The following RPS6KC1 variants were observed in gnomAD, a reference collection of about 807,000 sequenced individuals.
The protein encoded by RPS6KC1 is inactive ribosomal protein S6 kinase delta-1.
RPS6KC1 carries 54 observed loss-of-function variants against 103.8 expected under a neutral mutation model. That is an observed-to-expected ratio of 0.52 (90% confidence interval 0.42 to 0.65). RPS6KC1 has a LOEUF of 0.65. Among genes scored for constraint, RPS6KC1 ranks in the 30% least tolerant of loss-of-function variants. The pLI is 0.00. For synonymous variants in RPS6KC1, 439 were observed against 438.7 expected, an observed-to-expected ratio of 1.00 and a Z score of -0.01; for missense variants, 1,151 against 1,253.8, an observed-to-expected ratio of 0.92 and a Z score of 1.24.
chr1:213,624,541 T>C, the RPS6KC1 span, among the ~76,000 whole-genome samples: 1 of 152,154 alleles, frequency 6.6e-6, no homozygotes, highest in Non-Finnish European at 1.5e-5. Flanking sequence ...GGAGAGCTTG[T>C]TGGAGGAGGT....
At chr1:213,719,408 T>G in the RPS6KC1 span, among the ~76,000 whole-genome samples, 1 of 152,186 alleles carries the variant, frequency 6.6e-6, no homozygotes, top group South Asian at 2.1e-4. Flanking sequence ...ACAGTGACTT[T>G]AAACTGATTT....
the RPS6KC1 span, among the ~76,000 whole-genome samples, chr1:213,552,415 A>G: frequency 6.6e-6 from 1 of 152,176 alleles, no homozygotes; most frequent in Non-Finnish European, 1.5e-5. Flanking sequence ...GGCCATTGTA[A>G]TAGGTGTACA....
At chr1:213,327,377 A>G in the RPS6KC1 span, among the ~76,000 whole-genome samples, 1 of 152,208 alleles carries the variant, frequency 6.6e-6, no homozygotes, top group African/African-American at 2.4e-5. Flanking sequence ...AAGGAAGAAG[A>G]AACAAAACCA....
At chr1:213,760,957 T>C in the RPS6KC1 span, among the ~76,000 whole-genome samples, 338 of 10,388 alleles carry the variant, frequency 0.033, 3 homozygotes, top group African/African-American at 0.078. Flanking sequence ...ATGGGCTAAT[T>C]TTTTTTTTAA....
At chr1:213,472,449 A>G in the RPS6KC1 span, among the ~76,000 whole-genome samples, 1 of 152,188 alleles carries the variant, frequency 6.6e-6, no homozygotes, top group Non-Finnish European at 1.5e-5. Flanking sequence ...CACCTGGAAG[A>G]GTTTCATTGT....
At chr1:213,229,364 C>G (rs1267750965) in intron 8 of RPS6KC1, among the ~76,000 whole-genome samples, 2 of 151,776 alleles carry the variant, frequency 1.3e-5, no homozygotes, top group African/African-American at 4.8e-5. Context: ...CTTTCCTTAC[C>G]CAGTGGTGGG....
chr1:213,426,767 G>T, the RPS6KC1 span, among the ~76,000 whole-genome samples: 1 of 152,168 alleles, frequency 6.6e-6, no homozygotes, highest in African/African-American at 2.4e-5. Flanking sequence ...TTCTTTCGTA[G>T]TCAACATTTA....
chr1:213,438,858 A>T, the RPS6KC1 span, among the ~76,000 whole-genome samples: 1 of 132,910 alleles, frequency 7.5e-6, no homozygotes, highest in Non-Finnish European at 1.5e-5. Context: ...CAGTGGTGTG[A>T]TCTTGGCTCA....
At chr1:213,674,946 G>A in the RPS6KC1 span, among the ~76,000 whole-genome samples, 1 of 152,136 alleles carries the variant, frequency 6.6e-6, no homozygotes, top group African/African-American at 2.4e-5. Flanking sequence ...CTTTTGAGAA[G>A]TGTCTGTTCG....
intron 8 of RPS6KC1, chr1:213,205,536 T>TTTTATATATATA (rs1553378412): frequency 2.4e-5 from 2 of 82,292 alleles, no homozygotes; most frequent in Admixed American, 1.1e-4. Flanking sequence ...ACAAACTCAT[T>TTTTATATATATA]TATATATATA....
At position 213,176,405 on chromosome 1, in the gene RPS6KC1, A is replaced by G. The variant is rs755350002; in HGVS notation, c.957A>G (p.Pro319=). The stretch of plus-strand genomic sequence containing the variant: ...TCTTTGATATCTTCCATTAGCCTCC[A>G]GGATCACTAAGTTCAAGGCCCCTTT... ...KPQLDDVSQP[P]GSLSSRPLWN... is the part of the protein sequence containing the mutation. Residue 319 remains proline, a synonymous_variant, in exon 8 of 15, where the codon CCA becomes CCG. Coordinates refer to ENST00000366960, the MANE Select transcript of RPS6KC1 (RefSeq NM_012424.6). The G allele has an allele frequency of 6.3e-6, 10 of 1,598,166 alleles. No individual in the cohort carries two copies. The highest frequency in any genetic ancestry group is 6.8e-6 in the Non-Finnish European group (8 of 1,168,182).
the RPS6KC1 span, among the ~76,000 whole-genome samples, chr1:213,724,750 T>C: frequency 6.6e-6 from 1 of 152,052 alleles, no homozygotes; most frequent in African/African-American, 2.4e-5. Flanking sequence ...AAAATAATAA[T>C]AAACAAAAGG....
chr1:213,535,440 C>T, the RPS6KC1 span, among the ~76,000 whole-genome samples: 4 of 152,240 alleles, frequency 2.6e-5, no homozygotes, highest in Non-Finnish European at 4.4e-5. Context: ...CCCACCTCAT[C>T]TAAGTCTAGA....
chr1:213,336,235 A>C, the RPS6KC1 span, among the ~76,000 whole-genome samples: 4 of 152,222 alleles, frequency 2.6e-5, no homozygotes, highest in Non-Finnish European at 5.9e-5. Flanking sequence ...ATCAAGTTCA[A>C]ACTTCTAATT....
the RPS6KC1 span, among the ~76,000 whole-genome samples, chr1:213,673,737 G>A: frequency 6.6e-6 from 1 of 152,150 alleles, no homozygotes; most frequent in African/African-American, 2.4e-5. Flanking sequence ...AGCTCCATTA[G>A]AATAGCCCTC....
chr1:213,422,184 C>A, the RPS6KC1 span, among the ~76,000 whole-genome samples: 1 of 152,212 alleles, frequency 6.6e-6, no homozygotes, highest in Non-Finnish European at 1.5e-5. Context: ...TTCCCTCCTT[C>A]CTCCAGCCCT....
the RPS6KC1 span, among the ~76,000 whole-genome samples, chr1:213,464,440 A>G: frequency 0.033 from 4,949 of 152,274 alleles, 133 homozygotes; most frequent in Middle Eastern, 0.061. Context: ...AATTGTAGCC[A>G]TAGTACCTTT....
intron 3 of RPS6KC1, among the ~76,000 whole-genome samples, chr1:213,101,996 G>T (rs1215759726): frequency 1.3e-5 from 2 of 152,168 alleles, no homozygotes; most frequent in East Asian, 3.8e-4. Flanking sequence ...GATAATATTA[G>T]TGATAGGTAA....
At chr1:213,150,367 A>AT (rs2088552845) in intron 6 of RPS6KC1, among the ~76,000 whole-genome samples, 1 of 145,184 alleles carries the variant, frequency 6.9e-6, no homozygotes, top group Non-Finnish European at 1.5e-5. Context: ...ACAGAGGGGG[A>AT]TTTGGCAGGG....
Sources: allele counts gnomAD v4.1 joint callset (sites outside exome capture counted in the v4.1 genomes callset), GRCh38; gene constraint gnomAD v4.1.1; transcripts MANE v1.5; gene names NCBI Gene and HGNC (gene_info 2026-07-23, HGNC 2026-07-21).